The following DPP10 variants were observed in gnomAD, a reference collection of about 807,000 sequenced individuals.
DPP10 encodes dipeptidyl peptidase like 10.
DPP10 carries 33 observed loss-of-function variants against 120.9 expected under a neutral mutation model. The ratio of observed to expected loss-of-function variants is 0.27; its 90% CI spans 0.21 to 0.37. The LOEUF is 0.37. Among genes scored for constraint, DPP10 ranks in the 10% least tolerant of loss-of-function variants. The probability of loss-of-function intolerance (pLI) is 1.00; values close to 1 mark genes in which losing one functional copy is unlikely to be tolerated. For missense variants in DPP10, 816 were observed against 942.8 expected (o/e 0.87, Z 1.76); for synonymous variants, 337 against 326.1 (o/e 1.03, Z -0.36).
At chr2:115,370,351 A>G (rs1403484868) in intron 3 of DPP10, among the ~76,000 whole-genome samples, 1 of 152,080 alleles carries the variant, frequency 6.6e-6, no homozygotes, top group African/African-American at 2.4e-5. Flanking sequence ...GTAATTGATC[A>G]TATTAGGATG....
At chr2:115,507,428 G>A (rs1268392613) in intron 4 of DPP10, among the ~76,000 whole-genome samples, 1 of 152,106 alleles carries the variant, frequency 6.6e-6, no homozygotes, top group Non-Finnish European at 1.5e-5. Context: ...TTAAATCCTT[G>A]TTGAAAAATA....
intron 1 of DPP10, among the ~76,000 whole-genome samples, chr2:115,135,176 G>A (rs2050588575): frequency 6.6e-6 from 1 of 151,716 alleles, no homozygotes; most frequent in Non-Finnish European, 1.5e-5. Context: ...CGTAAAAACA[G>A]CATATTGTAG....
At chr2:115,076,842 T>A (rs146935045) in intron 1 of DPP10, among the ~76,000 whole-genome samples, 20 of 152,256 alleles carry the variant, frequency 1.3e-4, no homozygotes, top group Admixed American at 1.2e-3. Flanking sequence ...CTTGTGTTCA[T>A]ATGTGAGAGT....
At chr2:115,269,019 C>T (rs1198290842) in intron 1 of DPP10, among the ~76,000 whole-genome samples, 1 of 152,132 alleles carries the variant, frequency 6.6e-6, no homozygotes, top group Admixed American at 6.6e-5. Flanking sequence ...TGGTGGCACG[C>T]ACCTGTAGTC....
chr2:114,720,431 C>A (rs1442966113), intron 1 of DPP10, among the ~76,000 whole-genome samples: 1 of 152,052 alleles, frequency 6.6e-6, no homozygotes, highest in Non-Finnish European at 1.5e-5. Context: ...GATATCATCC[C>A]CCAGAAATCT....
At chr2:115,347,994 A>G (rs1192734448) in intron 3 of DPP10, among the ~76,000 whole-genome samples, 1 of 152,020 alleles carries the variant, frequency 6.6e-6, no homozygotes, top group Admixed American at 6.6e-5. Context: ...TGGGATTTCA[A>G]GTTTTTGTAA....
chr2:115,575,645 C>T (rs1291419285), intron 5 of DPP10, among the ~76,000 whole-genome samples: 1 of 152,120 alleles, frequency 6.6e-6, no homozygotes, highest in Non-Finnish European at 1.5e-5. Flanking sequence ...TGTTGAAAGA[C>T]TGTGGCAGGC....
At chr2:115,242,984 C>T (rs1440405969) in intron 1 of DPP10, among the ~76,000 whole-genome samples, 1 of 151,844 alleles carries the variant, frequency 6.6e-6, no homozygotes, top group Admixed American at 6.6e-5. Flanking sequence ...TTCTATCACT[C>T]ATGTTAAATT....
chr2:114,639,529 GA>G (rs1695550520), intron 1 of DPP10, among the ~76,000 whole-genome samples: 2 of 151,784 alleles, frequency 1.3e-5, no homozygotes. Context: ...GACATGGGTT[GA>G]AAAACTACTT....
chr2:114,498,731 G>A (rs961166257), intron 1 of DPP10, among the ~76,000 whole-genome samples: 1 of 152,160 alleles, frequency 6.6e-6, no homozygotes, highest in Admixed American at 6.5e-5. Flanking sequence ...CCATTCAGGA[G>A]GGTAGAGCCC....
chr2:115,077,139 G>T (rs577672372), intron 1 of DPP10, among the ~76,000 whole-genome samples: 1 of 152,234 alleles, frequency 6.6e-6, no homozygotes, highest in South Asian at 2.1e-4. Flanking sequence ...TGCGAGCATT[G>T]TATATAGGTG....
intron 1 of DPP10, among the ~76,000 whole-genome samples, chr2:114,676,941 CG>C (rs968298303): frequency 6.6e-5 from 10 of 151,978 alleles, no homozygotes; most frequent in African/African-American, 2.4e-4. Context: ...ACATCAAACA[CG>C]TGATGTTATT....
intron 1 of DPP10, among the ~76,000 whole-genome samples, chr2:114,935,943 T>G (rs1224978163): frequency 1.3e-5 from 2 of 152,092 alleles, no homozygotes; most frequent in Non-Finnish European, 2.9e-5. Flanking sequence ...ATATTTTCTT[T>G]TCTATTTTTA....
intron 3 of DPP10, among the ~76,000 whole-genome samples, chr2:115,385,309 C>T (rs1407042773): frequency 6.6e-6 from 1 of 152,010 alleles, no homozygotes; most frequent in Non-Finnish European, 1.5e-5. Flanking sequence ...CAGTCGATCA[C>T]CGTTAGACCA....
At chr2:114,913,548 T>C (rs1346814424) in intron 1 of DPP10, among the ~76,000 whole-genome samples, 1 of 152,168 alleles carries the variant, frequency 6.6e-6, no homozygotes, top group Non-Finnish European at 1.5e-5. Context: ...ATTCGACTTA[T>C]ACCACAGCCA....
chr2:115,738,349 T>C (rs1676845078), intron 8 of DPP10, among the ~76,000 whole-genome samples: 1 of 152,142 alleles, frequency 6.6e-6, no homozygotes, highest in East Asian at 1.9e-4. Flanking sequence ...GCTTTCTTTT[T>C]TCCTGTGTAC....
At chr2:115,530,763 C>T (rs1022317935) in intron 5 of DPP10, among the ~76,000 whole-genome samples, 7 of 152,090 alleles carry the variant, frequency 4.6e-5, no homozygotes, top group African/African-American at 1.7e-4. Flanking sequence ...GCATTAGAAT[C>T]ATCTGGAGAG....
chr2:114,838,309 AT>A (rs954463044), intron 1 of DPP10, among the ~76,000 whole-genome samples: 3 of 151,960 alleles, frequency 2.0e-5, no homozygotes, highest in Non-Finnish European at 4.4e-5. Flanking sequence ...TCTTGTTTTT[AT>A]TTATTTTATT....
intron 4 of DPP10, among the ~76,000 whole-genome samples, chr2:115,520,275 G>A (rs775969721): frequency 1.6e-4 from 24 of 152,200 alleles, no homozygotes; most frequent in African/African-American, 2.6e-4. Flanking sequence ...CCAAGATAGC[G>A]CCATTGCACT....
Sources: gnomAD v4.1 joint callset for allele counts (sites outside exome capture counted in the v4.1 genomes callset) on GRCh38, gnomAD v4.1.1 for gene constraint, MANE v1.5 for transcripts, NCBI Gene and HGNC (gene_info 2026-07-23, HGNC 2026-07-21) for gene names.